HS6ST3: variants seen among roughly 807,000 people sequenced by gnomAD.
HS6ST3 encodes the protein heparan-sulfate 6-O-sulfotransferase 3.
HS6ST3 carries 12 observed loss-of-function variants against 36.7 expected under a neutral mutation model. The observed-to-expected ratio is 0.33, with a 90% CI of 0.21 to 0.53. The LOEUF is 0.53. HS6ST3 is among the 20% of genes least tolerant of loss of function. HS6ST3 has a pLI of 0.95. For missense variants in HS6ST3, 584 were observed against 640.9 expected (o/e 0.91, Z 0.96); for synonymous variants, 240 against 257.5 (o/e 0.93, Z 0.65).
intron 1 of HS6ST3, among the ~76,000 whole-genome samples, chr13:96,550,179 G>A (rs2036280827): frequency 6.6e-6 from 1 of 152,160 alleles, no homozygotes; most frequent in African/African-American, 2.4e-5. Flanking sequence ...CCTAGTGGGA[G>A]ATGTTTGGGT....
At chr13:96,714,410 C>A (rs529785925) in intron 1 of HS6ST3, among the ~76,000 whole-genome samples, 1 of 152,184 alleles carries the variant, frequency 6.6e-6, no homozygotes, top group Non-Finnish European at 1.5e-5. Context: ...CTCTACCTTA[C>A]TAATGATCAA....
intron 1 of HS6ST3, among the ~76,000 whole-genome samples, chr13:96,131,552 G>A (rs1036095024): frequency 2.0e-5 from 3 of 151,952 alleles, no homozygotes; most frequent in Admixed American, 6.6e-5. Flanking sequence ...TCATTTATTT[G>A]TAGTGAGAAT....
At chr13:96,344,406 G>A (rs980202904) in intron 1 of HS6ST3, among the ~76,000 whole-genome samples, 2 of 152,192 alleles carry the variant, frequency 1.3e-5, no homozygotes, top group African/African-American at 4.8e-5. Flanking sequence ...CCAAGATTGA[G>A]TCTCAAAATG....
chr13:96,427,497 TTTATA>T (rs1487828091), intron 1 of HS6ST3, among the ~76,000 whole-genome samples: 1 of 151,978 alleles, frequency 6.6e-6, no homozygotes, highest in Non-Finnish European at 1.5e-5. Flanking sequence ...TTATTTGATT[TTTATA>T]TTATTAGTCA....
intron 1 of HS6ST3, among the ~76,000 whole-genome samples, chr13:96,773,394 C>T (rs1040263401): frequency 1.3e-5 from 2 of 152,134 alleles, no homozygotes; most frequent in African/African-American, 4.8e-5. Context: ...CTATGGAGCC[C>T]CCTATGGAGC....
At chr13:96,670,726 G>T (rs1019608676) in intron 1 of HS6ST3, among the ~76,000 whole-genome samples, 18 of 152,140 alleles carry the variant, frequency 1.2e-4, no homozygotes, top group African/African-American at 3.6e-4. Context: ...ATTAAATTTT[G>T]ATTTCCTGGA....
At chr13:96,769,913 A>G (rs2138506466) in intron 1 of HS6ST3, among the ~76,000 whole-genome samples, 1 of 152,262 alleles carries the variant, frequency 6.6e-6, no homozygotes, top group South Asian at 2.1e-4. Flanking sequence ...GTTATTTGGG[A>G]ATAGTTATTC....
chr13:96,803,379 GAGGTATATTA>G (rs1405794383), intron 1 of HS6ST3, among the ~76,000 whole-genome samples: 1 of 152,128 alleles, frequency 6.6e-6, no homozygotes, highest in Admixed American at 6.6e-5. Context: ...AGGGCTTTGG[GAGGTATATTA>G]ATCCTTTAAG....
At chr13:96,808,538 T>G (rs147742651) in intron 1 of HS6ST3, among the ~76,000 whole-genome samples, 200 of 152,320 alleles carry the variant, frequency 1.3e-3, no homozygotes, top group Non-Finnish European at 2.6e-3. Context: ...CATGCTTGCT[T>G]TGGATAGACA....
chr13:96,690,575 C>G (rs1874929840), intron 1 of HS6ST3, among the ~76,000 whole-genome samples: 1 of 152,050 alleles, frequency 6.6e-6, no homozygotes, highest in African/African-American at 2.4e-5. Flanking sequence ...AGGAAGTACT[C>G]TTGACTCTGG....
chr13:96,123,991 A>C (rs984876688), intron 1 of HS6ST3, among the ~76,000 whole-genome samples: 1 of 152,156 alleles, frequency 6.6e-6, no homozygotes, highest in African/African-American at 2.4e-5. Context: ...AAAAATGCAG[A>C]GCTTATTGGA....
intron 1 of HS6ST3, among the ~76,000 whole-genome samples, chr13:96,599,376 A>G (rs1014040309): frequency 2.0e-5 from 3 of 151,950 alleles, no homozygotes; most frequent in Non-Finnish European, 2.9e-5. Context: ...GGAAGATCGC[A>G]TGTTCCCAGG....
chr13:96,337,186 C>T (rs1368567885), intron 1 of HS6ST3, among the ~76,000 whole-genome samples: 1 of 152,170 alleles, frequency 6.6e-6, no homozygotes, highest in Non-Finnish European at 1.5e-5. Context: ...CTGCCTCAGC[C>T]TCCCAATTTA....
chr13:96,499,020 T>C (rs976877339), intron 1 of HS6ST3, among the ~76,000 whole-genome samples: 2 of 140,272 alleles, frequency 1.4e-5, no homozygotes, highest in African/African-American at 5.0e-5. Context: ...CTGGAAAGAT[T>C]GTTCACACAT....
At chr13:96,699,725 C>A (rs1242824559) in intron 1 of HS6ST3, among the ~76,000 whole-genome samples, 1 of 152,192 alleles carries the variant, frequency 6.6e-6, no homozygotes, top group Non-Finnish European at 1.5e-5. Flanking sequence ...CCATTTGACC[C>A]AGCCATCCCA....
chr13:96,562,333 A>G (rs925492506), intron 1 of HS6ST3, among the ~76,000 whole-genome samples: 1 of 152,142 alleles, frequency 6.6e-6, no homozygotes, highest in Admixed American at 6.6e-5. Flanking sequence ...ATGGGTAGTC[A>G]TGCCATAAAG....
intron 1 of HS6ST3, among the ~76,000 whole-genome samples, chr13:96,662,269 T>A (rs1024864226): frequency 2.0e-5 from 3 of 152,180 alleles, no homozygotes; most frequent in African/African-American, 7.2e-5. Context: ...TACTCTCAAA[T>A]TTCTTGAAGC....
At chr13:96,575,236 C>G (rs1302035580) in intron 1 of HS6ST3, among the ~76,000 whole-genome samples, 2 of 152,168 alleles carry the variant, frequency 1.3e-5, no homozygotes, top group Admixed American at 6.5e-5. Flanking sequence ...ACATCAGTGG[C>G]ATAGCCTGCT....
intron 1 of HS6ST3, among the ~76,000 whole-genome samples, chr13:96,428,096 A>G (rs903017992): frequency 1.3e-5 from 2 of 152,308 alleles, no homozygotes. Context: ...TAAGGCTGCC[A>G]TAGAAAGTAT....
Sources: gnomAD v4.1 joint callset for allele counts (sites outside exome capture counted in the v4.1 genomes callset) on GRCh38, gnomAD v4.1.1 for gene constraint, MANE v1.5 for transcripts, NCBI Gene and HGNC (gene_info 2026-07-23, HGNC 2026-07-21) for gene names.